The following NTNG1 variants were observed in gnomAD, a reference collection of about 807,000 sequenced individuals.
NTNG1 encodes the protein netrin G1.
In NTNG1, 16 loss-of-function variants were observed where a neutral mutation model predicts 54.0. That is an observed-to-expected ratio of 0.30 (90% CI 0.20 to 0.45). NTNG1 has a LOEUF of 0.45. Among genes scored for constraint, NTNG1 ranks in the 20% least tolerant of loss-of-function variants. The pLI is 1.00. For missense variants in NTNG1, 530 were observed against 678.7 expected (o/e 0.78, Z 2.43); for synonymous variants, 255 against 263.1 (o/e 0.97, Z 0.30).
intron 2 of NTNG1, among the ~76,000 whole-genome samples, chr1:107,234,940 G>A (rs1051489874): frequency 2.0e-5 from 3 of 152,200 alleles, no homozygotes; most frequent in African/African-American, 7.2e-5. Flanking sequence ...TCATGCATAA[G>A]CACAAATGAA....
At chr1:107,472,452 C>T (rs1394438604) in intron 7 of NTNG1, among the ~76,000 whole-genome samples, 1 of 152,232 alleles carries the variant, frequency 6.6e-6, no homozygotes, top group African/African-American at 2.4e-5. Flanking sequence ...AGAATACAAG[C>T]CCCTCATGTG....
chr1:107,336,840 T>C (rs1182888169), intron 3 of NTNG1, among the ~76,000 whole-genome samples: 1 of 151,926 alleles, frequency 6.6e-6, no homozygotes, highest in Non-Finnish European at 1.5e-5. Context: ...AAAGAAGATA[T>C]ATAAAAATGG....
intron 3 of NTNG1, among the ~76,000 whole-genome samples, chr1:107,381,216 A>G (rs571999657): frequency 6.6e-6 from 1 of 152,134 alleles, no homozygotes; most frequent in South Asian, 2.1e-4. Flanking sequence ...TGTCATCTCT[A>G]TTTTACAGAT....
intron 7 of NTNG1, among the ~76,000 whole-genome samples, chr1:107,470,273 T>C (rs941618022): frequency 6.6e-6 from 1 of 152,210 alleles, no homozygotes; most frequent in Non-Finnish European, 1.5e-5. Flanking sequence ...ACCTTTATTA[T>C]CTAAGTAAAA....
At chr1:107,277,977 A>G (rs1314981176) in intron 2 of NTNG1, among the ~76,000 whole-genome samples, 2 of 152,220 alleles carry the variant, frequency 1.3e-5, no homozygotes, top group East Asian at 3.8e-4. Flanking sequence ...ATGATTCAAG[A>G]TAATATATGG....
intron 2 of NTNG1, among the ~76,000 whole-genome samples, chr1:107,290,993 A>G (rs1181169833): frequency 6.9e-6 from 1 of 145,116 alleles, no homozygotes; most frequent in Non-Finnish European, 1.5e-5. Context: ...ATACACACAC[A>G]CATACATACA....
intron 2 of NTNG1, among the ~76,000 whole-genome samples, chr1:107,233,954 A>G (rs1371914422): frequency 6.6e-6 from 1 of 152,198 alleles, no homozygotes; most frequent in East Asian, 1.9e-4. Context: ...CGAGGGGCGG[A>G]TAATTAGCTG....
intron 5 of NTNG1, among the ~76,000 whole-genome samples, chr1:107,421,840 G>C (rs532437352): frequency 6.6e-6 from 1 of 151,812 alleles, no homozygotes; most frequent in Non-Finnish European, 1.5e-5. Flanking sequence ...GGTGTGTCTT[G>C]TTTTCCACCC....
chr1:107,462,771 CAG>C (rs1426022479), intron 7 of NTNG1, among the ~76,000 whole-genome samples: 1 of 152,204 alleles, frequency 6.6e-6, no homozygotes, highest in Admixed American at 6.5e-5. Context: ...CTATAATCAA[CAG>C]AGTTACCATT....
intron 7 of NTNG1, among the ~76,000 whole-genome samples, chr1:107,449,317 C>T (rs1558008140): frequency 1.3e-5 from 2 of 152,014 alleles, no homozygotes; most frequent in East Asian, 3.9e-4. Context: ...CCCACTCCAA[C>T]CTTCTTAAGT....
intron 7 of NTNG1, among the ~76,000 whole-genome samples, chr1:107,437,061 G>A (rs1335993686): frequency 6.6e-6 from 1 of 152,048 alleles, no homozygotes; most frequent in Admixed American, 6.6e-5. Flanking sequence ...TACCCGTCCA[G>A]ACCATAAATT....
Position 107,407,925 on chromosome 1 carries a change from A to G in NTNG1, c.1087+217A>G, listed in dbSNP as rs183815335. 3.9e-5 allele frequency: 28 copies of G among 722,294 alleles called. No homozygotes were observed. The African/African-American group carries it at 4.5e-4, about 12-fold the overall frequency. The allele number at this position is 722,294 out of a possible 1,614,324, so 44.7% of individuals were successfully genotyped here. On this transcript the variant is annotated intron_variant, in intron 5 of 7. Transcript: ENST00000370068. ...ATAACTCCATGAACATGGCAGTGCT[A>G]TGACTTTTCTGACTACTCTTAACCA... is the stretch of plus-strand genomic sequence containing the variant.
At chr1:107,392,511 G>A (rs17014199) in intron 3 of NTNG1, among the ~76,000 whole-genome samples, 70,515 of 151,714 alleles carry the variant, frequency 0.46, 16,580 homozygotes, top group Middle Eastern at 0.54. Context: ...TGGGTATCCA[G>A]AGGGGAGAGT....
At chr1:107,435,076 T>C (rs1022369574) in intron 6 of NTNG1, among the ~76,000 whole-genome samples, 21 of 152,146 alleles carry the variant, frequency 1.4e-4, no homozygotes, top group Admixed American at 5.2e-4. Flanking sequence ...CATGGGCTAA[T>C]TGACTGGAGG....
chr1:107,146,901 T>G (rs547174900), intron 1 of NTNG1, among the ~76,000 whole-genome samples: 14 of 152,212 alleles, frequency 9.2e-5, no homozygotes, highest in African/African-American at 2.9e-4. Context: ...ATAGTGAACT[T>G]CCATATTTCA....
intron 2 of NTNG1, among the ~76,000 whole-genome samples, chr1:107,238,678 T>G (rs946844234): frequency 6.6e-6 from 1 of 152,176 alleles, no homozygotes; most frequent in Non-Finnish European, 1.5e-5. Flanking sequence ...AGAGTTTTCC[T>G]GTACAAGCTT....
intron 2 of NTNG1, among the ~76,000 whole-genome samples, chr1:107,205,932 G>C (rs1466876349): frequency 6.6e-6 from 1 of 152,124 alleles, no homozygotes; most frequent in Non-Finnish European, 1.5e-5. Context: ...TATCTGACTT[G>C]TTGGGTTTAA....
intron 2 of NTNG1, among the ~76,000 whole-genome samples, chr1:107,240,209 C>G (rs1661729240): frequency 6.6e-6 from 1 of 151,398 alleles, no homozygotes; most frequent in South Asian, 2.1e-4. Context: ...GGTCTTGCAG[C>G]ATAATGCCGT....
intron 7 of NTNG1, among the ~76,000 whole-genome samples, chr1:107,471,098 A>G (rs1677946929): frequency 6.6e-6 from 1 of 152,142 alleles, no homozygotes; most frequent in South Asian, 2.1e-4. Flanking sequence ...TTGGCAAAAG[A>G]AAGTGTCACT....
Sources: allele counts gnomAD v4.1 joint callset (sites outside exome capture counted in the v4.1 genomes callset), GRCh38; gene constraint gnomAD v4.1.1; transcripts MANE v1.5; gene names NCBI Gene and HGNC (gene_info 2026-07-23, HGNC 2026-07-21).